Variants in HLF observed in about 807,000 individuals in gnomAD.
HLF encodes the protein hepatic leukemia factor.
A neutral mutation model predicts 22.6 loss-of-function variants in HLF; 3 were observed. The ratio of observed to expected loss-of-function variants is 0.13; its 90% CI spans 0.06 to 0.34. The LOEUF (loss-of-function observed/expected upper bound fraction) is 0.34, where lower values mean the gene tolerates loss of function less well. Ranked by LOEUF, HLF falls within the 10% of genes least tolerant of loss-of-function variation. The pLI is 1.00. For synonymous variants in HLF, 151 were observed against 151.8 expected (o/e 0.99, Z 0.04); for missense variants, 299 against 389.2 (o/e 0.77, Z 1.95).
rs771695827 is a variant in HLF, at chr17:55,315,248, G to T, written c.473G>T (p.Arg158Leu). ...IRPGQLLPAN[R>L]NTPSPIDPDT... ...CCAGGTCAGCTGTTGCCAGCAAACC[G>T]CAATACACCAAGTCCCATTGATCCT... is the stretch of plus-strand genomic sequence containing the variant. The change falls in exon 3 of 4, where the codon CGC (arginine) becomes CTC (leucine). Residue 158 changes from arginine (R) to leucine (L), a missense_variant. Transcript: ENST00000226067. 6.2e-7 allele frequency: 1 copy of T among 1,614,080 alleles called. No individual in the cohort carries two copies.
At chr17:55,277,093 A>G (rs2080910276) in intron 2 of HLF, among the ~76,000 whole-genome samples, 1 of 152,196 alleles carries the variant, frequency 6.6e-6, no homozygotes, top group African/African-American at 2.4e-5. Flanking sequence ...TTCAGAATTT[A>G]AAAGTCCAAA....
At chr17:55,304,284 G>T (rs1370844466) in intron 2 of HLF, among the ~76,000 whole-genome samples, 2 of 152,190 alleles carry the variant, frequency 1.3e-5, no homozygotes, top group East Asian at 3.9e-4. Flanking sequence ...GACCCCACAT[G>T]TCTGGGGAGA....
intron 2 of HLF, among the ~76,000 whole-genome samples, chr17:55,279,888 T>C (rs1446611471): frequency 6.6e-6 from 1 of 152,142 alleles, no homozygotes; most frequent in Non-Finnish European, 1.5e-5. Flanking sequence ...CATATAAGTA[T>C]ATGGAACCAA....
rs747179590 is a variant in HLF at position 55,265,446 on chromosome 17, A to C, written c.-39A>C. 1.0e-6 allele frequency: 1 copy of C among 955,218 alleles called. No individual in the cohort carries two copies. Among genetic ancestry groups the C allele is most frequent in the South Asian group, 1.5e-5 (1 of 68,938 alleles). The allele number at this position is 955,218 out of a possible 1,614,324, so 59.2% of individuals were successfully genotyped here. A position where few individuals can be genotyped will look rare whatever the true frequency, so the allele number is the denominator to read the frequency against. Reference sequence around the variant, plus strand: ...TTTAGGGGGCGGTTGTTTCTTTCTTATTTCTTTTTTTAAGGGGAAAAAATT... The same window carrying C: ...TTTAGGGGGCGGTTGTTTCTTTCTTCTTTCTTTTTTTAAGGGGAAAAAATT... On this transcript the variant is annotated 5_prime_UTR_variant, in exon 1 of 4. Transcript: ENST00000226067.
intron 2 of HLF, 137 bp from the exon 3 acceptor site, chr17:55,315,090 A>G (rs1905010542): frequency 5.9e-6 from 4 of 672,514 alleles, no homozygotes; most frequent in Admixed American, 5.1e-5. Flanking sequence ...TGCAGTGCGG[A>G]TGAGTAAGAT....
chr17:55,290,602 C>T (rs955413233), intron 2 of HLF, among the ~76,000 whole-genome samples: 1 of 152,170 alleles, frequency 6.6e-6, no homozygotes, highest in Non-Finnish European at 1.5e-5. Context: ...TCCCATTTCT[C>T]TCCCTCTCCT....
At chr17:55,298,213 C>G (rs982687071) in intron 2 of HLF, among the ~76,000 whole-genome samples, 7 of 152,098 alleles carry the variant, frequency 4.6e-5, no homozygotes, top group Admixed American at 6.6e-5. Context: ...GAACTACACA[C>G]TGATTGGGAC....
intron 1 of HLF, chr17:55,265,867 TGG>T: frequency 8.1e-7 from 1 of 1,228,420 alleles, no homozygotes; most frequent in Non-Finnish European, 1.0e-6. Flanking sequence ...GCGGCGCGGG[TGG>T]GAGGTGTAAC....
At position 55,265,381 on chromosome 17, in the gene HLF, A is replaced by T; in HGVS notation, c.-104A>T. On this transcript the variant is annotated 5_prime_UTR_variant, in exon 1 of 4. Coordinates refer to ENST00000226067, the MANE Select transcript of HLF (RefSeq NM_002126.5). Reference sequence around the variant, plus strand: ...CCTTTTCTCCACCGCCTTGAGAGCGAGTACTTTTGGCAAAGGACGGAGGAA... The same window carrying T: ...CCTTTTCTCCACCGCCTTGAGAGCGTGTACTTTTGGCAAAGGACGGAGGAA... 1.5e-6 allele frequency: 1 copy of T among 683,018 alleles called. No homozygotes were observed. The highest frequency in any genetic ancestry group is 2.6e-6 in the Non-Finnish European group (1 of 383,246). 42.3% of individuals were successfully genotyped at this position (683,018 alleles called of 1,614,324 possible). A position where few individuals can be genotyped will look rare whatever the true frequency, so the allele number is the denominator to read the frequency against.
intron 2 of HLF, among the ~76,000 whole-genome samples, chr17:55,313,147 A>C (rs1401560507): frequency 6.6e-6 from 1 of 152,150 alleles, no homozygotes; most frequent in Non-Finnish European, 1.5e-5. Flanking sequence ...GAGAGAAAGA[A>C]TGTCAAGAAA....
At chr17:55,294,394 AGT>A (rs1459069172) in intron 2 of HLF, among the ~76,000 whole-genome samples, 1 of 152,176 alleles carries the variant, frequency 6.6e-6, no homozygotes, top group African/African-American at 2.4e-5. Flanking sequence ...CAGCCAGGTG[AGT>A]GGAGGAAGTT....
intron 2 of HLF, among the ~76,000 whole-genome samples, chr17:55,288,199 G>A (rs1326231997): frequency 2.0e-5 from 3 of 152,014 alleles, no homozygotes; most frequent in Admixed American, 6.5e-5. Context: ...CCAGGCTGGA[G>A]TGCAGTGGCG....
intron 2 of HLF, among the ~76,000 whole-genome samples, chr17:55,294,181 G>A (rs1392373172): frequency 6.6e-6 from 1 of 152,112 alleles, no homozygotes; most frequent in Non-Finnish European, 1.5e-5. Flanking sequence ...CTAAACCCAC[G>A]GCACAGTCCA....
At chr17:55,294,814 T>C (rs1438791098) in intron 2 of HLF, among the ~76,000 whole-genome samples, 2 of 152,026 alleles carry the variant, frequency 1.3e-5, no homozygotes, top group African/African-American at 4.8e-5. Context: ...TCTCAGGAAA[T>C]GGACCTTTCT....
chr17:55,315,167 G>A (rs1334837212), intron 2 of HLF, 60 bp from the exon 3 acceptor site: 12 of 1,278,634 alleles, frequency 9.4e-6, no homozygotes, highest in Non-Finnish European at 1.3e-5. Flanking sequence ...GCACCATTAA[G>A]TAGCTGCCTA....
At chr17:55,308,527 A>G (rs1422228839) in intron 2 of HLF, among the ~76,000 whole-genome samples, 3 of 152,196 alleles carry the variant, frequency 2.0e-5, no homozygotes, top group Non-Finnish European at 4.4e-5. Context: ...CCTTTCCCCA[A>G]TACAGACCTT....
intron 2 of HLF, among the ~76,000 whole-genome samples, chr17:55,302,175 G>A (rs2081162581): frequency 6.6e-6 from 1 of 152,224 alleles, no homozygotes; most frequent in Non-Finnish European, 1.5e-5. Flanking sequence ...ATAGGAGATT[G>A]GAGGATGAGT....
At chr17:55,292,829 A>G (rs990595283) in intron 2 of HLF, among the ~76,000 whole-genome samples, 5 of 152,248 alleles carry the variant, frequency 3.3e-5, no homozygotes, top group African/African-American at 1.2e-4. Flanking sequence ...ATGAAATTCT[A>G]TCACTTGCAG....
intron 2 of HLF, among the ~76,000 whole-genome samples, chr17:55,282,609 A>G (rs997820785): frequency 6.6e-6 from 1 of 152,222 alleles, no homozygotes; most frequent in Non-Finnish European, 1.5e-5. Context: ...TTCTAAAGCC[A>G]GTTTGTCAGC....
Sources: allele counts gnomAD v4.1 joint callset (sites outside exome capture counted in the v4.1 genomes callset), GRCh38; gene constraint gnomAD v4.1.1; transcripts MANE v1.5; gene names NCBI Gene and HGNC (gene_info 2026-07-23, HGNC 2026-07-21).